Variants in SCYL1 observed in about 807,000 individuals in gnomAD.
SCYL1 encodes the protein N-terminal kinase-like protein.
A neutral mutation model predicts 94.8 loss-of-function variants in SCYL1; 85 were observed. The observed-to-expected ratio is 0.90, with a 90% CI of 0.75 to 1.07. The LOEUF (loss-of-function observed/expected upper bound fraction) is 1.07, where lower values mean the gene tolerates loss of function less well. Ranked by LOEUF, SCYL1 falls within the 50% of genes least tolerant of loss-of-function variation. The pLI, the probability that SCYL1 is intolerant of heterozygous loss-of-function variation, is 0.00. For synonymous variants in SCYL1, 459 were observed against 435.5 expected (o/e 1.05, Z -0.67); for missense variants, 968 against 1,083.3 (o/e 0.89, Z 1.49).
At chr11:65,531,465 T>A (rs1366557190) in intron 7 of SCYL1, 111 bp from the exon 8 acceptor site, 1 of 741,398 alleles carries the variant, frequency 1.3e-6, no homozygotes, top group Non-Finnish European at 2.3e-6. Context: ...TGCCCCCCCC[T>A]CCGCCATCAC....
At position 65,526,021 on chromosome 11, in the gene SCYL1, C is replaced by T. The variant is rs775336730; in HGVS notation, c.353C>T (p.Ser118Phe). Reference sequence around the variant, plus strand: ...GGTGGCCTGAAGGAGCTGGAGATCTCCTGGGGGCTACACCAGATCGTGGTG... The same window carrying T: ...GGTGGCCTGAAGGAGCTGGAGATCTTCTGGGGGCTACACCAGATCGTGGTG... ...EAGGLKELEISWGLHQIVKAL... is the reference protein window; with the variant it reads ...EAGGLKELEIFWGLHQIVKAL... Residue 118 changes from serine (S) to phenylalanine (F), a missense_variant, in exon 3 of 18, where the codon TCC becomes TTC. Coordinates refer to ENST00000270176, the MANE Select transcript of SCYL1 (RefSeq NM_020680.4). This position sits in a 1 kb window ranked among gnomAD's most constrained non-coding sequence, Gnocchi z 4.1. The T allele has an allele frequency of 8.1e-6, 13 of 1,613,070 alleles. No individual in the cohort carries two copies. Among genetic ancestry groups the T allele is most frequent in the Non-Finnish European group, 1.1e-5 (13 of 1,179,896 alleles).
intron 14 of SCYL1, among the ~76,000 whole-genome samples, 186 bp downstream of exon 14, chr11:65,537,314 C>T (rs530934270): frequency 5.9e-5 from 9 of 152,340 alleles, no homozygotes; most frequent in East Asian, 3.9e-4. Flanking sequence ...TCAACCCCAG[C>T]GGCCCCAGGG....
At chr11:65,527,328 C>T (rs1783541) in intron 6 of SCYL1, among the ~76,000 whole-genome samples, 26,149 of 152,164 alleles carry the variant, frequency 0.17, 2,404 homozygotes, top group Middle Eastern at 0.26. Flanking sequence ...GGTTGAGCAT[C>T]CCTAATCCGA....
Position 65,531,777 on chromosome 11 carries a change from A to G in SCYL1, c.1116+94A>G. The G allele has an allele frequency of 3.4e-6, 3 of 871,806 alleles. No homozygotes were observed. In the South Asian group the frequency reaches 4.1e-5, roughly 12 times the overall value. The allele number at this position is 871,806 out of a possible 1,614,324, so 54.0% of individuals were successfully genotyped here. On this transcript the variant is annotated intron_variant, in intron 8 of 17. Coordinates refer to ENST00000270176, the MANE Select transcript of SCYL1 (RefSeq NM_020680.4). ...GCCCTGGCTGCACAGGGACCCCAGAAACCCCACCCCTGAACATACACACAA... is the reference window on the plus strand; with the variant it reads ...GCCCTGGCTGCACAGGGACCCCAGAGACCCCACCCCTGAACATACACACAA...
intron 6 of SCYL1, among the ~76,000 whole-genome samples, chr11:65,530,059 G>A (rs1227371184): frequency 6.6e-6 from 1 of 152,186 alleles, no homozygotes; most frequent in Non-Finnish European, 1.5e-5. Flanking sequence ...AGACCGTTGA[G>A]CTTACAGGCT....
Position 65,529,445 on chromosome 11 carries a change from G to A in SCYL1, c.850-1184G>A, listed in dbSNP as rs552974347. Among the ~76,000 whole-genome samples, 22 of 152,342 alleles carry A rather than the reference G, an allele frequency of 1.4e-4. 1 individual carries two copies. In the South Asian group the frequency reaches 4.3e-3, roughly 30 times the overall value. On this transcript the variant is annotated intron_variant, in intron 6 of 17. Coordinates refer to ENST00000270176, the MANE Select transcript of SCYL1 (RefSeq NM_020680.4). ...GGGCCCCTCTTCCCATTGTTAGGTG[G>A]AGTGGTGGGGAGAACCCAGCTGCTA...
intron 17 of SCYL1, 31 bp from the exon 18 acceptor site, chr11:65,538,411 C>A (rs1485094105): frequency 6.5e-7 from 1 of 1,542,176 alleles, no homozygotes; most frequent in African/African-American, 1.4e-5. Context: ...GGCTGGAGAG[C>A]TGAGACCGGG....
chr11:65,535,310 G>A lies in SCYL1; in HGVS notation c.1314G>A (p.Lys438=), dbSNP rs1401587273. The A allele has an allele frequency of 3.7e-6, 6 of 1,614,160 alleles. No homozygotes were observed. The Admixed American group carries it at 1.0e-4, about 27-fold the overall frequency. ...AGCACTTTGCACGGCTACAGGCCAAGGATGAACAGGGCCCCATCCGCTGCA... is the reference window on the plus strand; with the variant it reads ...AGCACTTTGCACGGCTACAGGCCAAAGATGAACAGGGCCCCATCCGCTGCA... ...LMKHFARLQA[K]DEQGPIRCNT... Residue 438 remains lysine (K), a synonymous_variant, in exon 10 of 18, where the codon AAG becomes AAA. Coordinates refer to ENST00000270176, the MANE Select transcript of SCYL1 (RefSeq NM_020680.4).
Position 65,525,935 on chromosome 11 carries a change from C to G in SCYL1, c.267C>G (p.Leu89=), listed in dbSNP as rs1451792792. 4 of 1,613,558 alleles carry G rather than the reference C, an allele frequency of 2.5e-6. No individual in the cohort carries two copies. The highest frequency in any genetic ancestry group is 3.4e-6 in the Non-Finnish European group (4 of 1,179,900). ...YIDGLETEKC[L]HVVTEAVTPL... is the part of the protein sequence containing the mutation. ...CCCTTCCCCAGACAGAAAAATGCCT[C>G]CACGTCGTGACAGAGGCTGTGACCC... Residue 89 remains leucine, a synonymous_variant, in exon 3 of 18, where the codon CTC becomes CTG. Coordinates refer to ENST00000270176, the MANE Select transcript of SCYL1 (RefSeq NM_020680.4).
intron 10 of SCYL1, chr11:65,535,739 G>T: frequency 1.7e-6 from 1 of 596,548 alleles, no homozygotes; most frequent in Non-Finnish European, 2.9e-6. Context: ...TGCTGTTGTG[G>T]TCCCATGCCC....
intron 1 of SCYL1, 85 bp from the exon 2 acceptor site, chr11:65,525,489 C>A: frequency 6.5e-7 from 1 of 1,527,838 alleles, no homozygotes; most frequent in Admixed American, 1.8e-5. Context: ...TAAGGCTGAC[C>A]TGGGGAGAGA....
In SCYL1 at chr11:65,526,870, G is replaced by A; in HGVS notation, c.690G>A (p.Gly230=). 1.2e-6 allele frequency: 2 copies of A among 1,613,416 alleles called. No homozygotes were observed. Among genetic ancestry groups the A allele is most frequent in the African/African-American group, 1.3e-5 (1 of 75,042 alleles). The stretch of plus-strand genomic sequence containing the variant: ...GGGCAGCAGCCCTACGCAACCCTGG[G>A]AAGGTAAGTTTCTTGCCCCTGGCTC... The part of the protein sequence containing the change: ...LPRAAALRNP[G]KIPKTLVPHY... Residue 230 remains glycine, a synonymous_variant, in exon 5 of 18, where the codon GGG becomes GGA. Coordinates refer to ENST00000270176, the MANE Select transcript of SCYL1 (RefSeq NM_020680.4). This position sits in a 1 kb window ranked among gnomAD's most constrained non-coding sequence, Gnocchi z 4.1.
rs770817615 is a variant in SCYL1 at position 65,536,103 on chromosome 11, G to A, written c.1537G>A (p.Gly513Ser). ...CAQKILPVLCGLTVDPEKSVR... is the reference protein window; with the variant it reads ...CAQKILPVLCSLTVDPEKSVR... ...CCAGAAGATCCTGCCTGTGCTCTGCGGTCTCACTGTAGATCCTGAGAAATC... is the reference window on the plus strand; with the variant it reads ...CCAGAAGATCCTGCCTGTGCTCTGCAGTCTCACTGTAGATCCTGAGAAATC... The change falls in exon 11 of 18, where the codon GGT becomes AGT. Residue 513 changes from glycine to serine, a missense_variant. By Grantham distance (56) the Gly-to-Ser change is moderately conservative. Around this residue, in one of 2 missense-constraint regions of SCYL1, gnomAD observed 474 missense variants for 463.6 expected, o/e 1.02. Transcript: ENST00000270176. 5.6e-6 allele frequency: 9 copies of A among 1,613,982 alleles called. No individual in the cohort carries two copies. The highest frequency in any genetic ancestry group is 5.3e-5 in the African/African-American group (4 of 74,920).
At chr11:65,536,834 CG>C in intron 13 of SCYL1, 84 bp downstream of exon 13, 4 of 1,464,108 alleles carry the variant, frequency 2.7e-6, no homozygotes, top group South Asian at 1.3e-5. Flanking sequence ...CTGACTCCCC[CG>C]GGGATGGTGA....
intron 10 of SCYL1, 118 bp downstream of exon 10, chr11:65,535,500 G>A (rs78406413): frequency 0.039 from 50,928 of 1,310,624 alleles, 1,224 homozygotes; most frequent in Non-Finnish European, 0.047. Context: ...GACCCTGCAC[G>A]CTGTTGGCCC....
intron 7 of SCYL1, 115 bp from the exon 8 acceptor site, chr11:65,531,461 C>A (rs951558409): frequency 1.9e-5 from 14 of 740,688 alleles, no homozygotes; most frequent in Non-Finnish European, 2.8e-5. Flanking sequence ...TGCCTGCCCC[C>A]CCCTCCGCCA....
intron 6 of SCYL1, among the ~76,000 whole-genome samples, chr11:65,530,114 G>A (rs1429298819): frequency 6.6e-6 from 1 of 152,140 alleles, no homozygotes; most frequent in African/African-American, 2.4e-5. Context: ...GGAGTAAAGT[G>A]TACCTAATCC....
intron 12 of SCYL1, 52 bp downstream of exon 12, chr11:65,536,386 G>T: frequency 6.3e-7 from 1 of 1,586,190 alleles, no homozygotes; most frequent in South Asian, 1.1e-5. Flanking sequence ...CCTTGACTGT[G>T]ACCTGTTTGT....
At chr11:65,531,045 C>T (rs941198956) in intron 7 of SCYL1, among the ~76,000 whole-genome samples, 2 of 152,106 alleles carry the variant, frequency 1.3e-5, no homozygotes, top group Non-Finnish European at 2.9e-5. Context: ...GACCTGTGCA[C>T]CTTGGTTCCC....
Sources: gnomAD v4.1 joint callset for allele counts (sites outside exome capture counted in the v4.1 genomes callset) on GRCh38, gnomAD v4.1.1 for gene constraint, gnomAD v4.1.1 regional missense constraint, Gnocchi (gnomAD v3.1) non-coding constraint, MANE v1.5 for transcripts, NCBI Gene and HGNC (gene_info 2026-07-23, HGNC 2026-07-21) for gene names.